The following DKK2 variants were observed in gnomAD, a reference collection of about 807,000 sequenced individuals.
DKK2 encodes dickkopf-related protein 2.
DKK2 carries 11 observed loss-of-function variants against 28.1 expected under a neutral mutation model. That is an observed-to-expected ratio of 0.39 (90% confidence interval 0.25 to 0.65). The LOEUF is 0.65. Among genes scored for constraint, DKK2 ranks in the 30% least tolerant of loss-of-function variants. The pLI, the probability that DKK2 is intolerant of heterozygous loss-of-function variation, is 0.47. For missense variants in DKK2, 326 were observed against 335.5 expected, an observed-to-expected ratio of 0.97 and a Z score of 0.22; for synonymous variants, 135 against 126.5, an observed-to-expected ratio of 1.07 and a Z score of -0.45.
At chr4:107,016,172 G>A (rs1361868896) in intron 1 of DKK2, among the ~76,000 whole-genome samples, 1 of 151,790 alleles carries the variant, frequency 6.6e-6, no homozygotes, top group South Asian at 2.1e-4. Flanking sequence ...AGAGAACATC[G>A]TGGAAAATCT....
Position 107,033,718 on chromosome 4 carries a change from A to G in DKK2, c.222+1652T>C, listed in dbSNP as rs150612060. Among the ~76,000 whole-genome samples, 15 of 152,300 alleles carry G rather than the reference A, an allele frequency of 9.8e-5. No homozygotes were observed. In the East Asian group the frequency reaches 2.9e-3, roughly 29 times the overall value. On this transcript the variant is annotated intron_variant, in intron 1 of 3. Transcript: ENST00000285311. ...GGAACTACACATTAAGCTTTCTTCAACTGGGAACATGAAATTTGAAGTCAG... is the reference window on the plus strand; with the variant it reads ...GGAACTACACATTAAGCTTTCTTCAGCTGGGAACATGAAATTTGAAGTCAG...
intron 1 of DKK2, among the ~76,000 whole-genome samples, chr4:107,026,488 A>G (rs549890888): frequency 1.3e-5 from 2 of 152,308 alleles, no homozygotes; most frequent in East Asian, 1.9e-4. Flanking sequence ...ATCAGACATG[A>G]GTTTCTTTAA....
intron 1 of DKK2, among the ~76,000 whole-genome samples, chr4:106,973,463 T>A (rs949757694): frequency 3.9e-5 from 6 of 152,270 alleles, no homozygotes; most frequent in African/African-American, 1.4e-4. Context: ...ATTTTGGCTT[T>A]GATTTGCATT....
chr4:106,933,763 AG>A (rs1204044520), intron 1 of DKK2, among the ~76,000 whole-genome samples: 3 of 152,322 alleles, frequency 2.0e-5, no homozygotes, highest in Admixed American at 1.3e-4. Context: ...AAAATTCAAA[AG>A]TTTATATTCA....
At chr4:106,958,664 C>G (rs891520890) in intron 1 of DKK2, among the ~76,000 whole-genome samples, 1 of 151,522 alleles carries the variant, frequency 6.6e-6, no homozygotes, top group Non-Finnish European at 1.5e-5. Flanking sequence ...GGTGAAACCC[C>G]GTCTCTACTA....
At chr4:106,924,236 T>A in intron 3 of DKK2, 32 bp from the exon 4 acceptor site, 1 of 1,590,502 alleles carries the variant, frequency 6.3e-7, no homozygotes, top group African/African-American at 1.4e-5. Flanking sequence ...GATGTTACCC[T>A]GACACTTCAG....
intron 1 of DKK2, among the ~76,000 whole-genome samples, chr4:106,981,450 T>C (rs1723025948): frequency 6.6e-6 from 1 of 152,172 alleles, no homozygotes; most frequent in Non-Finnish European, 1.5e-5. Flanking sequence ...TATGGTTGAG[T>C]ATAGCATCTA....
intron 1 of DKK2, among the ~76,000 whole-genome samples, chr4:107,026,971 A>G (rs957178918): frequency 2.0e-5 from 3 of 152,220 alleles, no homozygotes; most frequent in African/African-American, 7.2e-5. Context: ...AGCGAGCTGG[A>G]GGAAATGCTC....
intron 1 of DKK2, among the ~76,000 whole-genome samples, chr4:107,023,286 T>G (rs776434151): frequency 2.6e-5 from 4 of 152,072 alleles, no homozygotes; most frequent in African/African-American, 9.7e-5. Context: ...GAGTTTTCAT[T>G]TATTTTGGAA....
intron 1 of DKK2, among the ~76,000 whole-genome samples, chr4:106,938,257 A>G (rs1724631988): frequency 6.6e-6 from 1 of 152,020 alleles, no homozygotes; most frequent in South Asian, 2.1e-4. Context: ...GAAGAATCAA[A>G]TAGATGCAAT....
At chr4:107,027,968 G>A (rs867559765) in intron 1 of DKK2, among the ~76,000 whole-genome samples, 2 of 151,944 alleles carry the variant, frequency 1.3e-5, no homozygotes, top group South Asian at 4.1e-4. Flanking sequence ...TAGCCAGGAT[G>A]GTCTCGATCT....
chr4:107,027,460 GAA>G lies in DKK2; in HGVS notation c.222+7908_222+7909del, dbSNP rs71590175. Among the ~76,000 whole-genome samples the G allele has an allele frequency of 1.1e-4, 14 of 131,054 alleles. 1 individual carries two copies. The highest frequency in any genetic ancestry group is 7.4e-4 in the Admixed American group (10 of 13,448). The allele number at this position is 131,054 out of a possible 152,430, so 86.0% of individuals were successfully genotyped here. A position where few individuals can be genotyped will look rare whatever the true frequency, so the allele number is the denominator to read the frequency against. ...CTAAATCGCCAAAAAATCTCAAAAT[GAA>G]AAAAAAAAAAAGAAAGAAAATGATA... is the stretch of plus-strand genomic sequence containing the variant. On this transcript the variant is annotated intron_variant, in intron 1 of 3. Transcript: ENST00000285311.
At chr4:106,989,610 C>T (rs1043474277) in intron 1 of DKK2, among the ~76,000 whole-genome samples, 6 of 152,112 alleles carry the variant, frequency 3.9e-5, no homozygotes, top group African/African-American at 1.4e-4. Context: ...CATTAGAAAC[C>T]AAGTATCACC....
intron 1 of DKK2, among the ~76,000 whole-genome samples, chr4:106,998,507 T>C (rs1186485481): frequency 6.6e-6 from 1 of 152,186 alleles, no homozygotes; most frequent in South Asian, 2.1e-4. Flanking sequence ...TACAATAATC[T>C]CATTTAATTC....
chr4:106,960,779 AATTG>A (rs1412677265), intron 1 of DKK2, among the ~76,000 whole-genome samples: 3 of 152,152 alleles, frequency 2.0e-5, no homozygotes, highest in African/African-American at 7.2e-5. Context: ...GAATGTTTAT[AATTG>A]ATTAACTAAA....
Position 106,922,098 on chromosome 4 carries a change from G to A in DKK2, c.*1856C>T, listed in dbSNP as rs1724351701. 1 of 152,534 alleles carries A rather than the reference G, an allele frequency of 6.6e-6. No homozygotes were observed. Among genetic ancestry groups the A allele is most frequent in the South Asian group, 2.1e-4 (1 of 4,832 alleles). 9.4% of individuals were successfully genotyped at this position (152,534 alleles called of 1,614,324 possible). On this transcript the variant is annotated 3_prime_UTR_variant, in exon 4 of 4. Coordinates refer to ENST00000285311, the MANE Select transcript of DKK2 (RefSeq NM_014421.3). ...CATTTCACCAAGCTTATAGCAACCT[G>A]TTTATACAAACTTTGGTTCTTGGAT...
intron 1 of DKK2, among the ~76,000 whole-genome samples, chr4:107,027,901 G>GCCA (rs1723813633): frequency 6.6e-6 from 1 of 151,850 alleles, no homozygotes. Flanking sequence ...ACAGGCGCCT[G>GCCA]CCACCACGCC....
intron 1 of DKK2, among the ~76,000 whole-genome samples, chr4:106,960,263 C>A: frequency 6.6e-6 from 1 of 151,678 alleles, no homozygotes; most frequent in Non-Finnish European, 1.5e-5. Context: ...GAAATAATGT[C>A]TTTTGCAGCA....
intron 1 of DKK2, among the ~76,000 whole-genome samples, chr4:106,933,510 G>A (rs79760726): frequency 0.024 from 3,652 of 152,268 alleles, 61 homozygotes; most frequent in Non-Finnish European, 0.036. Context: ...GGAACGCTGT[G>A]TGGACTCAGA....
Sources: gnomAD v4.1 joint callset for allele counts (sites outside exome capture counted in the v4.1 genomes callset) on GRCh38, gnomAD v4.1.1 for gene constraint, MANE v1.5 for transcripts, NCBI Gene and HGNC (gene_info 2026-07-23, HGNC 2026-07-21) for gene names.